RANBP2: variants seen among roughly 807,000 people sequenced by gnomAD.
RANBP2 encodes the protein E3 SUMO-protein ligase RanBP2.
A neutral mutation model predicts 303.6 loss-of-function variants in RANBP2; 57 were observed. The ratio of observed to expected loss-of-function variants is 0.19; its 90% CI spans 0.15 to 0.23. RANBP2 has a LOEUF of 0.23. Among genes scored for constraint, RANBP2 ranks in the 10% least tolerant of loss-of-function variants. The probability of loss-of-function intolerance (pLI) is 1.00; values close to 1 mark genes in which losing one functional copy is unlikely to be tolerated. For synonymous variants in RANBP2, 1,167 were observed against 1,301.5 expected, an observed-to-expected ratio of 0.90 and a Z score of 2.23; for missense variants, 3,138 against 3,780.8, an observed-to-expected ratio of 0.83 and a Z score of 4.46.
the RANBP2 span, among the ~76,000 whole-genome samples, chr2:109,345,830 T>C: frequency 6.6e-6 from 1 of 152,160 alleles, no homozygotes; most frequent in Non-Finnish European, 1.5e-5. Flanking sequence ...CTGGGCCAGG[T>C]CATTCTTTGT....
the RANBP2 span, among the ~76,000 whole-genome samples, chr2:109,280,248 A>G: frequency 6.6e-6 from 1 of 152,160 alleles, no homozygotes; most frequent in Non-Finnish European, 1.5e-5. Flanking sequence ...CAGCAGCAGG[A>G]CCTAGCGTGT....
chr2:109,060,383 G>A, the RANBP2 span, among the ~76,000 whole-genome samples: 4 of 152,128 alleles, frequency 2.6e-5, no homozygotes, highest in East Asian at 7.7e-4. Context: ...TGTGCCTTTG[G>A]AACAAGCAAA....
At chr2:108,789,228 T>G (rs1450868716), downstream of RANBP2, among the ~76,000 whole-genome samples, 1 of 152,220 alleles carries the variant, frequency 6.6e-6, no homozygotes, top group Non-Finnish European at 1.5e-5. Flanking sequence ...TGAAAAAATA[T>G]ATTTTTATGG....
At chr2:109,762,459 A>T in the RANBP2 span, among the ~76,000 whole-genome samples, 1 of 148,694 alleles carries the variant, frequency 6.7e-6, no homozygotes, top group Non-Finnish European at 1.5e-5. Context: ...GTATATTTTT[A>T]TGCTGCTTGT....
the RANBP2 span, among the ~76,000 whole-genome samples, chr2:109,634,658 G>T: frequency 6.6e-6 from 1 of 152,304 alleles, no homozygotes; most frequent in East Asian, 1.9e-4. Flanking sequence ...ATGGTGACGT[G>T]TATATTGGTA....
the RANBP2 span, among the ~76,000 whole-genome samples, chr2:109,765,462 G>C: frequency 2.0e-5 from 3 of 150,388 alleles, no homozygotes; most frequent in Admixed American, 6.8e-5. Flanking sequence ...GCAAAGGACA[G>C]TGTGTTTTTT....
At chr2:109,525,511 G>A in the RANBP2 span, among the ~76,000 whole-genome samples, 21 of 152,226 alleles carry the variant, frequency 1.4e-4, no homozygotes, top group Non-Finnish European at 2.2e-4. Flanking sequence ...AGCCCCACAG[G>A]CCTACACTCC....
the RANBP2 span, among the ~76,000 whole-genome samples, chr2:109,435,665 C>G: frequency 1.3e-5 from 2 of 152,242 alleles, no homozygotes; most frequent in African/African-American, 4.8e-5. Flanking sequence ...AAAGGGTTTT[C>G]TGCTGTCATG....
At chr2:109,353,129 T>C in the RANBP2 span, among the ~76,000 whole-genome samples, 1 of 152,350 alleles carries the variant, frequency 6.6e-6, no homozygotes, top group Admixed American at 6.5e-5. Context: ...CCCGGAGTCA[T>C]GGCAAAGTTG....
At chr2:108,735,805 T>A (rs1695534463) in intron 5 of RANBP2, 43 bp downstream of exon 5, 6 of 1,597,314 alleles carry the variant, frequency 3.8e-6, no homozygotes, top group Non-Finnish European at 4.2e-6. Context: ...ATGTAGGCAA[T>A]TAGCATACAT....
At chr2:109,682,678 A>C in the RANBP2 span, among the ~76,000 whole-genome samples, 65,823 of 151,966 alleles carry the variant, frequency 0.43, 15,024 homozygotes, top group South Asian at 0.56. Flanking sequence ...GATGGCTCAT[A>C]TCTGTAATCT....
the RANBP2 span, among the ~76,000 whole-genome samples, chr2:109,055,388 G>A: frequency 8.1e-6 from 1 of 123,356 alleles, no homozygotes. Flanking sequence ...TTTTGAGACA[G>A]TCTCACTCTG....
chr2:109,593,189 T>C, the RANBP2 span: 1 of 967,206 alleles, frequency 1.0e-6, no homozygotes, highest in Non-Finnish European at 1.5e-6. Context: ...ATCTGAATAA[T>C]ATATTTACAT....
chr2:109,188,376 G>C, the RANBP2 span, among the ~76,000 whole-genome samples: 19 of 152,184 alleles, frequency 1.2e-4, 1 homozygote, highest in Admixed American at 5.9e-4. Flanking sequence ...CCACCTCCAG[G>C]GTTGCATGGG....
chr2:109,035,496 G>T, the RANBP2 span, among the ~76,000 whole-genome samples: 1 of 98,998 alleles, frequency 1.0e-5, no homozygotes, highest in Non-Finnish European at 2.0e-5. Flanking sequence ...ACCCCACCCC[G>T]CCCTTACCCT....
the RANBP2 span, among the ~76,000 whole-genome samples, chr2:109,024,419 G>A: frequency 1.2e-4 from 18 of 152,196 alleles, no homozygotes; most frequent in East Asian, 5.8e-4. Context: ...GGCTACTGTC[G>A]AAAATCTCAA....
At chr2:109,342,944 TTTTA>T in the RANBP2 span, among the ~76,000 whole-genome samples, 1 of 152,218 alleles carries the variant, frequency 6.6e-6, no homozygotes, top group Non-Finnish European at 1.5e-5. Flanking sequence ...TCCTTTTTTC[TTTTA>T]TTTCTTTTTC....
chr2:108,743,078 C>T (rs568422761), intron 7 of RANBP2, among the ~76,000 whole-genome samples: 75 of 152,314 alleles, frequency 4.9e-4, no homozygotes, highest in African/African-American at 1.5e-3. Flanking sequence ...CGTGAGCCAC[C>T]GCGCCCTGCC....
At chr2:109,657,310 TG>T in the RANBP2 span, among the ~76,000 whole-genome samples, 54 of 152,032 alleles carry the variant, frequency 3.6e-4, no homozygotes, top group African/African-American at 1.3e-3. Flanking sequence ...TAGCCAGGTG[TG>T]GTGGTGTGTG....
Sources: gnomAD v4.1 joint callset for allele counts (sites outside exome capture counted in the v4.1 genomes callset) on GRCh38, gnomAD v4.1.1 for gene constraint, MANE v1.5 for transcripts, NCBI Gene and HGNC (gene_info 2026-07-23, HGNC 2026-07-21) for gene names.